ATP8A2: variants seen among roughly 807,000 people sequenced by gnomAD.
ATP8A2 encodes ATPase phospholipid transporting 8A2, also known as phospholipid-transporting ATPase IB.
ATP8A2 carries 100 observed loss-of-function variants against 165.6 expected under a neutral mutation model. That is an observed-to-expected ratio of 0.60 (90% CI 0.51 to 0.71). ATP8A2 has a LOEUF of 0.71. Among genes scored for constraint, ATP8A2 ranks in the 30% least tolerant of loss-of-function variants. The pLI is 0.00. For missense variants in ATP8A2, 1,227 were observed against 1,479.5 expected (o/e 0.83, Z 2.80); for synonymous variants, 543 against 548.8 (o/e 0.99, Z 0.15).
chr13:25,559,202 G>C, intron 14 of ATP8A2, 141 bp downstream of exon 14: 1 of 611,962 alleles, frequency 1.6e-6, no homozygotes, highest in Non-Finnish European at 2.8e-6. Flanking sequence ...GTTTGTAACT[G>C]AATGGATCCC....
At chr13:25,739,495 G>A (rs553656667) in intron 25 of ATP8A2, among the ~76,000 whole-genome samples, 1 of 152,038 alleles carries the variant, frequency 6.6e-6, no homozygotes, top group East Asian at 1.9e-4. Context: ...GTAGAGGGAG[G>A]TTTTCTCTTT....
intron 33 of ATP8A2, among the ~76,000 whole-genome samples, chr13:25,920,277 G>A (rs1954409294): frequency 6.6e-6 from 1 of 152,020 alleles, no homozygotes; most frequent in Non-Finnish European, 1.5e-5. Context: ...TACTCTTCTG[G>A]CTTCCATTCA....
At chr13:25,630,772 A>G (rs1593688438) in intron 24 of ATP8A2, among the ~76,000 whole-genome samples, 1 of 152,162 alleles carries the variant, frequency 6.6e-6, no homozygotes, top group African/African-American at 2.4e-5. Context: ...TGCCTGGCTA[A>G]TGAATAGGAT....
rs568755226 is a variant in ATP8A2 at position 25,640,765 on chromosome 13, T to G, written c.2211+51066T>G. Among the ~76,000 whole-genome samples, 5 of 152,276 alleles carry G rather than the reference T, an allele frequency of 3.3e-5. No homozygotes were observed. In the East Asian group the frequency reaches 5.8e-4, roughly 18 times the overall value. On this transcript the variant is annotated intron_variant, in intron 24 of 36. Transcript: ENST00000381655. ...CCTAATTCATTTTATGAGGCCAGCA[T>G]CATCCTGATACCAAAGCCTGGCAGA... is the stretch of plus-strand genomic sequence containing the variant.
chr13:25,827,346 A>G (rs1951348893), intron 27 of ATP8A2, among the ~76,000 whole-genome samples: 1 of 152,178 alleles, frequency 6.6e-6, no homozygotes, highest in African/African-American at 2.4e-5. Context: ...TCCTGTCCTC[A>G]GGTGATCCGC....
At chr13:25,903,611 C>T (rs1010419863) in intron 33 of ATP8A2, among the ~76,000 whole-genome samples, 5 of 152,336 alleles carry the variant, frequency 3.3e-5, no homozygotes, top group African/African-American at 1.2e-4. Flanking sequence ...TGTCCTTGCT[C>T]ATTGCTCTCT....
chr13:25,731,147 A>AG (rs1555256659), intron 25 of ATP8A2, among the ~76,000 whole-genome samples: 2 of 123,316 alleles, frequency 1.6e-5, no homozygotes, highest in Non-Finnish European at 3.4e-5. Context: ...AGAGAGAAAT[A>AG]AAAGAAAGAA....
chr13:25,545,158 G>C (rs1353703067), intron 10 of ATP8A2, among the ~76,000 whole-genome samples: 1 of 152,008 alleles, frequency 6.6e-6, no homozygotes, highest in Non-Finnish European at 1.5e-5. Flanking sequence ...GGGCCCAGGT[G>C]CAGTGGCCTG....
chr13:25,668,792 G>A (rs2042206947), intron 24 of ATP8A2, among the ~76,000 whole-genome samples: 1 of 152,012 alleles, frequency 6.6e-6, no homozygotes, highest in African/African-American at 2.4e-5. Context: ...CATTTGCTGA[G>A]TCTTTCTTCT....
At chr13:25,452,551 C>A (rs1018049848) in intron 1 of ATP8A2, among the ~76,000 whole-genome samples, 2 of 152,062 alleles carry the variant, frequency 1.3e-5, no homozygotes, top group Admixed American at 6.5e-5. Flanking sequence ...ATTAAGTATA[C>A]ATTAGTAATT....
chr13:25,864,275 C>CA (rs1214775602), intron 33 of ATP8A2, among the ~76,000 whole-genome samples: 1 of 119,330 alleles, frequency 8.4e-6, no homozygotes, highest in Non-Finnish European at 2.2e-5. Context: ...ATGTGACTGA[C>CA]AGACAAAGCC....
chr13:25,570,735 T>C, intron 16 of ATP8A2, 32 bp from the exon 17 acceptor site: 1 of 1,558,332 alleles, frequency 6.4e-7, no homozygotes, highest in Non-Finnish European at 8.8e-7. Flanking sequence ...GAAGGTGTTG[T>C]ATCTGACACT....
intron 1 of ATP8A2, among the ~76,000 whole-genome samples, chr13:25,429,371 TAAAAAAAA>T (rs751056483): frequency 1.6e-4 from 20 of 125,978 alleles, no homozygotes; most frequent in Non-Finnish European, 1.8e-4. Context: ...GACTCCATCT[TAAAAAAAA>T]AAAAAAAAAA....
intron 24 of ATP8A2, among the ~76,000 whole-genome samples, chr13:25,683,133 A>G (rs1361409055): frequency 6.6e-6 from 1 of 152,214 alleles, no homozygotes; most frequent in Non-Finnish European, 1.5e-5. Flanking sequence ...TGATATTACA[A>G]TTTGAGGTTA....
intron 2 of ATP8A2, among the ~76,000 whole-genome samples, chr13:25,485,710 A>G (rs530045503): frequency 6.6e-6 from 1 of 152,344 alleles, no homozygotes; most frequent in East Asian, 1.9e-4. Flanking sequence ...TAATTACTAT[A>G]ACAAAACGTT....
intron 35 of ATP8A2, among the ~76,000 whole-genome samples, chr13:25,969,549 T>A (rs1339863488): frequency 2.0e-5 from 3 of 152,180 alleles, no homozygotes; most frequent in Non-Finnish European, 2.9e-5. Context: ...GTGTTTTGCT[T>A]TATATTGTGT....
At chr13:25,472,778 T>G (rs1181198407) in intron 2 of ATP8A2, among the ~76,000 whole-genome samples, 1 of 152,190 alleles carries the variant, frequency 6.6e-6, no homozygotes, top group East Asian at 1.9e-4. Context: ...CAGGGCTAAC[T>G]TACCTTGTTG....
intron 1 of ATP8A2, among the ~76,000 whole-genome samples, chr13:25,426,714 G>A (rs764969771): frequency 3.9e-5 from 6 of 152,014 alleles, no homozygotes; most frequent in Non-Finnish European, 7.4e-5. Flanking sequence ...AGGCTGACAC[G>A]GGTGGATCAC....
chr13:25,507,602 A>G (rs901771470), intron 2 of ATP8A2, among the ~76,000 whole-genome samples: 1 of 152,142 alleles, frequency 6.6e-6, no homozygotes, highest in Non-Finnish European at 1.5e-5. Flanking sequence ...GCTATGTGTC[A>G]GGATGAAGAC....
Sources: gnomAD v4.1 joint callset for allele counts (sites outside exome capture counted in the v4.1 genomes callset) on GRCh38, gnomAD v4.1.1 for gene constraint, MANE v1.5 for transcripts, NCBI Gene and HGNC (gene_info 2026-07-23, HGNC 2026-07-21) for gene names.